Variants in POC5 observed in about 807,000 individuals in gnomAD.
POC5 encodes the protein centrosomal protein POC5.
Under a neutral mutation model 62.9 loss-of-function variants are expected in POC5, and 48 were observed. That is an observed-to-expected ratio of 0.76 (90% CI 0.61 to 0.97). The LOEUF is 0.97. Ranked by LOEUF, POC5 falls within the 50% of genes least tolerant of loss-of-function variation. The pLI is 0.00. For synonymous variants in POC5, 236 were observed against 228.2 expected, an observed-to-expected ratio of 1.03 and a Z score of -0.31; for missense variants, 696 against 679.5, an observed-to-expected ratio of 1.02 and a Z score of -0.27.
chr5:75,692,697 G>A (rs1193441562), intron 6 of POC5, among the ~76,000 whole-genome samples, 197 bp from the exon 7 acceptor site: 3 of 151,484 alleles, frequency 2.0e-5, no homozygotes, highest in Non-Finnish European at 2.9e-5. Flanking sequence ...CTAATGAAAG[G>A]GAACAAAAGA....
chr5:75,713,994 G>A (rs1777450082), intron 1 of POC5, among the ~76,000 whole-genome samples: 1 of 152,106 alleles, frequency 6.6e-6, no homozygotes, highest in African/African-American at 2.4e-5. Context: ...TAAAAATCTG[G>A]GTGTTTATTC....
chr5:75,684,363 ATT>A (rs749361349), intron 10 of POC5, among the ~76,000 whole-genome samples: 8,715 of 132,524 alleles, frequency 0.066, 165 homozygotes, highest in South Asian at 0.1. Flanking sequence ...TTCCTACATA[ATT>A]TTTTTTTTTT....
chr5:75,675,807 C>T (rs1775628541), intron 11 of POC5, among the ~76,000 whole-genome samples: 1 of 152,168 alleles, frequency 6.6e-6, no homozygotes, highest in African/African-American at 2.4e-5. Flanking sequence ...AATTATGATA[C>T]ACAAAATATG....
intron 5 of POC5, among the ~76,000 whole-genome samples, chr5:75,698,366 A>G (rs1048306157): frequency 1.3e-5 from 2 of 152,084 alleles, no homozygotes; most frequent in African/African-American, 2.4e-5. Flanking sequence ...ATAACAAACT[A>G]TCTCTCAGAC....
rs1470703816 is a variant in POC5 at position 75,689,090 on chromosome 5, T to G, written c.1051A>C (p.Met351Leu). ...ACACCCCTCATGAAAGCTTTTTTCA[T>G]GGAATCTTCAAAGTGCTCTTTTTCA... ...QHEKEHFEDS[M>L]KKAFMRGVCA... Residue 351 changes from methionine to leucine, a missense_variant, in exon 9 of 12, where the codon ATG (methionine) becomes CTG (leucine). By Grantham distance (15) the Met-to-Leu change is conservative. Transcript: ENST00000428202. 2 of 1,601,370 alleles carry G rather than the reference T, an allele frequency of 1.2e-6. No homozygotes were observed. Among genetic ancestry groups the G allele is most frequent in the African/African-American group, 2.7e-5 (2 of 74,808 alleles).
chr5:75,685,620 G>A (rs766785819), intron 9 of POC5, 136 bp from the exon 10 acceptor site: 20 of 858,186 alleles, frequency 2.3e-5, no homozygotes, highest in Non-Finnish European at 3.2e-5. Context: ...TAGATACAAT[G>A]TTCAGTTAAT....
At chr5:75,696,216 T>C (rs184076185) in intron 5 of POC5, 154 of 153,856 alleles carry the variant, frequency 1.0e-3, no homozygotes, top group African/African-American at 3.5e-3. Flanking sequence ...CCACCACAGC[T>C]GAAGGAGACC....
chr5:75,688,555 A>G (rs1048218072), intron 9 of POC5, among the ~76,000 whole-genome samples: 5 of 152,194 alleles, frequency 3.3e-5, no homozygotes, highest in African/African-American at 4.8e-5. Flanking sequence ...GTTTGCTGCA[A>G]TGAGCTTAGT....
intron 10 of POC5, among the ~76,000 whole-genome samples, chr5:75,684,363 A>ATTTTTTTTTTTTTTTTTTTTTTTT (rs749361349): frequency 3.8e-5 from 5 of 132,710 alleles, no homozygotes; most frequent in African/African-American, 1.4e-4. Context: ...TTCCTACATA[A>ATTTTTTTTTTTTTTTTTTTTTTTT]TTTTTTTTTT....
intron 9 of POC5, among the ~76,000 whole-genome samples, chr5:75,687,625 C>CTAA (rs1475218629): frequency 6.6e-6 from 1 of 152,110 alleles, no homozygotes; most frequent in Non-Finnish European, 1.5e-5. Context: ...GGATATTGGC[C>CTAA]TTTAGGAGAC....
chr5:75,707,981 G>A, intron 2 of POC5, 106 bp from the exon 3 acceptor site: 2 of 1,006,812 alleles, frequency 2.0e-6, no homozygotes, highest in Non-Finnish European at 2.8e-6. Flanking sequence ...AGAGTCCCAT[G>A]CTTATTATAT....
At chr5:75,710,612 G>A (rs1231163744) in intron 2 of POC5, among the ~76,000 whole-genome samples, 1 of 152,194 alleles carries the variant, frequency 6.6e-6, no homozygotes, top group Admixed American at 6.5e-5. Flanking sequence ...GCCCTCACCA[G>A]AAACTGACCC....
At chr5:75,697,392 G>A (rs1464391432) in intron 5 of POC5, among the ~76,000 whole-genome samples, 1 of 151,934 alleles carries the variant, frequency 6.6e-6, no homozygotes, top group South Asian at 2.1e-4. Flanking sequence ...AGAGAGTGGG[G>A]GCCAATATTC....
intron 2 of POC5, among the ~76,000 whole-genome samples, 168 bp from the exon 3 acceptor site, chr5:75,708,043 G>A (rs1263422311): frequency 6.6e-6 from 1 of 152,130 alleles, no homozygotes; most frequent in East Asian, 1.9e-4. Flanking sequence ...TGCTTCTTGT[G>A]TGATTTTTAT....
At chr5:75,690,338 T>G in intron 8 of POC5, 45 bp downstream of exon 8, 1 of 1,503,940 alleles carries the variant, frequency 6.6e-7, no homozygotes, top group South Asian at 1.3e-5. Flanking sequence ...CTATCTATCT[T>G]TTTATTGTAT....
intron 4 of POC5, among the ~76,000 whole-genome samples, chr5:75,704,449 CAT>C (rs772375110): frequency 8.5e-5 from 13 of 152,156 alleles, no homozygotes; most frequent in African/African-American, 1.7e-4. Flanking sequence ...AATTCCCTAA[CAT>C]GTGTGTTTGG....
chr5:75,699,043 C>G (rs1484208189), intron 5 of POC5, among the ~76,000 whole-genome samples: 1 of 152,080 alleles, frequency 6.6e-6, no homozygotes. Flanking sequence ...CTGAATAGAC[C>G]AATAACAGGA....
intron 3 of POC5, 106 bp from the exon 4 acceptor site, chr5:75,705,893 C>A: frequency 1.6e-6 from 1 of 615,440 alleles, no homozygotes; most frequent in Non-Finnish European, 2.7e-6. Context: ...TTAGAACAAA[C>A]AAAATACAAC....
chr5:75,681,358 A>G (rs569684718), intron 10 of POC5, among the ~76,000 whole-genome samples: 2 of 152,260 alleles, frequency 1.3e-5, no homozygotes, highest in African/African-American at 4.8e-5. Flanking sequence ...AAACTTTACT[A>G]AAGGTCTTTA....
Sources: allele counts gnomAD v4.1 joint callset (sites outside exome capture counted in the v4.1 genomes callset), GRCh38; gene constraint gnomAD v4.1.1; transcripts MANE v1.5; gene names NCBI Gene and HGNC (gene_info 2026-07-23, HGNC 2026-07-21).